The following C12orf42 variants were observed in gnomAD, a reference collection of about 807,000 sequenced individuals.
C12orf42 encodes chromosome 12 open reading frame 42.
In C12orf42, 25 loss-of-function variants were observed where a neutral mutation model predicts 21.6. The ratio of observed to expected loss-of-function variants is 1.16; its 90% confidence interval spans 0.84 to 1.62. The LOEUF (loss-of-function observed/expected upper bound fraction) is 1.62, where lower values mean the gene tolerates loss of function less well. Ranked by LOEUF, C12orf42 falls within the 40% of genes most tolerant of loss-of-function variation. The pLI is 0.00. For synonymous variants in C12orf42, 174 were observed against 175.0 expected (o/e 0.99, Z 0.05); for missense variants, 483 against 459.3 (o/e 1.05, Z -0.47).
chr12:103,052,537 G>T, the C12orf42 span, among the ~76,000 whole-genome samples: 2 of 151,818 alleles, frequency 1.3e-5, no homozygotes, highest in African/African-American at 2.4e-5. Flanking sequence ...TTTTTATTCT[G>T]ATTCAAAGGA....
chr12:103,263,290 T>C (rs1482689376), intron 10 of C12orf42: 5 of 151,830 alleles, frequency 3.3e-5, no homozygotes, highest in Admixed American at 3.3e-4. Context: ...CCCTAGAACT[T>C]AGAGTATAAT....
the C12orf42 span, among the ~76,000 whole-genome samples, chr12:103,110,793 A>G: frequency 3.3e-5 from 5 of 152,242 alleles, no homozygotes; most frequent in Admixed American, 2.6e-4. Context: ...TAAACTTGGT[A>G]TGTGCATTTG....
chr12:103,462,438 G>T (rs1952800976), intron 2 of C12orf42, among the ~76,000 whole-genome samples: 2 of 151,920 alleles, frequency 1.3e-5, no homozygotes, highest in South Asian at 2.1e-4. Context: ...AGCTATAAAA[G>T]ATAGCCTAAG....
chr12:103,367,048 C>T (rs2044665745), intron 4 of C12orf42, among the ~76,000 whole-genome samples: 3 of 152,070 alleles, frequency 2.0e-5, no homozygotes, highest in East Asian at 3.9e-4. Context: ...GTGGAACCAG[C>T]CCAAATGTCC....
At chr12:103,561,741 T>G in the C12orf42 span, among the ~76,000 whole-genome samples, 1 of 152,134 alleles carries the variant, frequency 6.6e-6, no homozygotes, top group African/African-American at 2.4e-5. Context: ...GAAGATAAGG[T>G]CCAAGGCACC....
intron 3 of C12orf42, 99 bp from the exon 4 acceptor site, chr12:103,369,097 C>T (rs2137903024): frequency 1.9e-6 from 1 of 540,348 alleles, no homozygotes; most frequent in Non-Finnish European, 3.3e-6. Flanking sequence ...AAGTGAGTGA[C>T]ATTTTAAAAA....
chr12:103,344,279 C>T (rs2042421331), intron 4 of C12orf42, among the ~76,000 whole-genome samples: 1 of 152,152 alleles, frequency 6.6e-6, no homozygotes, highest in African/African-American at 2.4e-5. Context: ...GAGCTGTGTT[C>T]TCATGGTGCA....
the C12orf42 span, among the ~76,000 whole-genome samples, chr12:103,165,710 A>G: frequency 6.6e-6 from 1 of 152,178 alleles, no homozygotes; most frequent in Non-Finnish European, 1.5e-5. Context: ...CACTGCCCTT[A>G]AGAAGCTTAT....
At chr12:103,171,158 C>T in the C12orf42 span, among the ~76,000 whole-genome samples, 3 of 152,130 alleles carry the variant, frequency 2.0e-5, no homozygotes, top group African/African-American at 7.2e-5. Flanking sequence ...GTATCACTAA[C>T]TCAAAAGGAC....
chr12:103,539,620 C>T, the C12orf42 span, among the ~76,000 whole-genome samples: 1 of 151,822 alleles, frequency 6.6e-6, no homozygotes, highest in East Asian at 1.9e-4. Flanking sequence ...CACTCTGTCA[C>T]CAGGGCTGGA....
rs142271319 is a variant in C12orf42 at position 103,284,262 on chromosome 12, G to T, written n.338-7052C>A. On this transcript the variant is annotated intron_variant and non_coding_transcript_variant, in intron 4 of 6. Coordinates refer to the C12orf42 transcript ENST00000546526. Reference sequence around the variant, plus strand: ...TTTATATTTGGAAGCACAGAGAAAAGAATGTTTTGTTAACAAGTAGCCTCC... The same window carrying T: ...TTTATATTTGGAAGCACAGAGAAAATAATGTTTTGTTAACAAGTAGCCTCC... 2.7e-3 allele frequency among the ~76,000 whole-genome samples: 404 copies of T among 152,308 alleles called. 2 individuals are homozygous for T. The highest frequency in any genetic ancestry group is 3.4e-3 in the Middle Eastern group (1 of 294).
chr12:103,426,053 T>C (rs1268538976), intron 2 of C12orf42, among the ~76,000 whole-genome samples: 2 of 152,172 alleles, frequency 1.3e-5, no homozygotes, highest in Non-Finnish European at 2.9e-5. Context: ...GAACGCCTCT[T>C]CTCCAAAGGA....
intron 2 of C12orf42, among the ~76,000 whole-genome samples, chr12:103,416,272 G>A (rs1419611953): frequency 1.3e-5 from 2 of 151,570 alleles, no homozygotes; most frequent in Admixed American, 6.6e-5. Flanking sequence ...CAGTTGATTT[G>A]GAGAGCTGGT....
chr12:103,538,908 T>C, the C12orf42 span, among the ~76,000 whole-genome samples: 1 of 151,936 alleles, frequency 6.6e-6, no homozygotes. Context: ...ATTGAGATAA[T>C]GGAAGGGGAT....
the C12orf42 span, among the ~76,000 whole-genome samples, chr12:103,563,101 G>A: frequency 6.6e-6 from 1 of 152,216 alleles, no homozygotes. Flanking sequence ...AGTGTACCAA[G>A]TTTGTGCTAC....
At chr12:103,121,674 G>T in the C12orf42 span, among the ~76,000 whole-genome samples, 1 of 152,088 alleles carries the variant, frequency 6.6e-6, no homozygotes, top group Admixed American at 6.6e-5. Flanking sequence ...TCACTTTCAG[G>T]TATTTCTCAT....
At chr12:103,309,029 T>C (rs1593368089) in intron 4 of C12orf42, among the ~76,000 whole-genome samples, 1 of 152,218 alleles carries the variant, frequency 6.6e-6, no homozygotes, top group East Asian at 1.9e-4. Flanking sequence ...CCAACGCTGC[T>C]GGTAGTTAAA....
intron 10 of C12orf42, among the ~76,000 whole-genome samples, chr12:103,245,332 T>C (rs2033959297): frequency 6.6e-6 from 1 of 152,084 alleles, no homozygotes; most frequent in African/African-American, 2.4e-5. Flanking sequence ...ACAATGGTAA[T>C]CATTCCTGAG....
chr12:103,215,112 G>T, the C12orf42 span, among the ~76,000 whole-genome samples: 2 of 152,008 alleles, frequency 1.3e-5, no homozygotes, highest in African/African-American at 4.8e-5. Context: ...TTTCCCAAAA[G>T]ACAAAGGGGG....
Sources: allele counts gnomAD v4.1 joint callset (sites outside exome capture counted in the v4.1 genomes callset), GRCh38; gene constraint gnomAD v4.1.1; transcripts MANE v1.5; gene names NCBI Gene and HGNC (gene_info 2026-07-23, HGNC 2026-07-21).